The following CNTNAP5 variants were observed in gnomAD, a reference collection of about 807,000 sequenced individuals.
CNTNAP5 encodes contactin associated protein family member 5.
Under a neutral mutation model 150.2 loss-of-function variants are expected in CNTNAP5, and 72 were observed. The observed-to-expected ratio is 0.48, with a 90% CI of 0.40 to 0.58. The LOEUF is 0.58. Among genes scored for constraint, CNTNAP5 ranks in the 20% least tolerant of loss-of-function variants. The pLI is 0.00. For synonymous variants in CNTNAP5, 672 were observed against 619.8 expected (o/e 1.08, Z -1.25); for missense variants, 1,636 against 1,626.2 (o/e 1.01, Z -0.10).
intron 14 of CNTNAP5, among the ~76,000 whole-genome samples, chr2:124,752,161 C>T (rs984046179): frequency 3.3e-5 from 5 of 152,112 alleles, no homozygotes; most frequent in Non-Finnish European, 7.4e-5. Flanking sequence ...TTTGCTAAGC[C>T]AGGGTGCTTA....
intron 13 of CNTNAP5, among the ~76,000 whole-genome samples, chr2:124,739,527 GC>G (rs1381496418): frequency 2.6e-5 from 4 of 152,048 alleles, no homozygotes; most frequent in Non-Finnish European, 5.9e-5. Context: ...TAATCTCTTG[GC>G]CTTATAACTT....
chr2:124,891,146 T>C (rs1489112294), intron 21 of CNTNAP5, among the ~76,000 whole-genome samples: 3 of 152,116 alleles, frequency 2.0e-5, no homozygotes, highest in African/African-American at 7.2e-5. Flanking sequence ...ACTTGTGACA[T>C]TGACTAAGTC....
intron 3 of CNTNAP5, among the ~76,000 whole-genome samples, chr2:124,403,285 T>G (rs1468159205): frequency 6.6e-6 from 1 of 152,172 alleles, no homozygotes; most frequent in Non-Finnish European, 1.5e-5. Context: ...CCGCCTTTCT[T>G]TTTTTTCTCT....
rs138846839 is a variant in CNTNAP5, at chr2:124,309,141, G to A, written c.381+66748G>A. Among the ~76,000 whole-genome samples the A allele has an allele frequency of 3.0e-3, 451 of 152,200 alleles. 1 individual carries two copies. The highest frequency in any genetic ancestry group is 9.5e-3 in the African/African-American group (396 of 41,526). On this transcript the variant is annotated intron_variant, in intron 3 of 23. Coordinates refer to ENST00000682447, the MANE Select transcript of CNTNAP5 (RefSeq NM_001367498.1). ...ATAATAACTAATAATAAAATAGGAC[G>A]GTTATGACAATATACTGTAATAAAA... is the stretch of plus-strand genomic sequence containing the variant.
intron 6 of CNTNAP5, 88 bp downstream of exon 6, chr2:124,447,025 G>A: frequency 7.6e-7 from 1 of 1,311,548 alleles, no homozygotes. Context: ...ACTGAGAGAA[G>A]TGGTGGGGCA....
chr2:124,218,868 C>T (rs1686230468), intron 1 of CNTNAP5, among the ~76,000 whole-genome samples: 1 of 152,118 alleles, frequency 6.6e-6, no homozygotes, highest in Non-Finnish European at 1.5e-5. Context: ...ATTTCCTCAT[C>T]AGTTTATTTA....
At chr2:124,527,900 A>G (rs1695012836) in intron 10 of CNTNAP5, among the ~76,000 whole-genome samples, 1 of 152,196 alleles carries the variant, frequency 6.6e-6, no homozygotes, top group East Asian at 1.9e-4. Flanking sequence ...ATAACACACA[A>G]CTACTCCTGG....
At chr2:124,841,048 T>G (rs1161896355) in intron 19 of CNTNAP5, among the ~76,000 whole-genome samples, 1 of 152,128 alleles carries the variant, frequency 6.6e-6, no homozygotes, top group Non-Finnish European at 1.5e-5. Context: ...GAGTTGGTTA[T>G]TAAATGCAGT....
At chr2:124,203,381 C>A (rs1685776124) in intron 1 of CNTNAP5, among the ~76,000 whole-genome samples, 1 of 152,132 alleles carries the variant, frequency 6.6e-6, no homozygotes, top group Non-Finnish European at 1.5e-5. Flanking sequence ...TGTGACTTTT[C>A]TGGGCTCATG....
At chr2:124,821,482 T>C (rs1214726910) in intron 19 of CNTNAP5, among the ~76,000 whole-genome samples, 1 of 152,238 alleles carries the variant, frequency 6.6e-6, no homozygotes, top group East Asian at 1.9e-4. Context: ...AAAAAAGTTT[T>C]CTTTTTAAGC....
chr2:124,371,729 G>A lies in CNTNAP5; in HGVS notation c.382-45714G>A, dbSNP rs551580784. On this transcript the variant is annotated intron_variant, in intron 3 of 23. Coordinates refer to ENST00000682447, the MANE Select transcript of CNTNAP5 (RefSeq NM_001367498.1). The stretch of plus-strand genomic sequence containing the variant: ...TGGAAAGATACAGGAAATCATACAT[G>A]TAATCTTAACATACTATACATAAAT... Among the ~76,000 whole-genome samples, 432 of 152,164 alleles carry A rather than the reference G, an allele frequency of 2.8e-3. 4 individuals carry two copies. In the East Asian group the frequency reaches 0.034, roughly 12 times the overall value.
chr2:124,744,099 C>T (rs1020296312), intron 13 of CNTNAP5, among the ~76,000 whole-genome samples: 2 of 152,114 alleles, frequency 1.3e-5, no homozygotes. Context: ...TTGGCTGTGT[C>T]CCCACCCAAA....
chr2:124,597,490 T>C (rs1696855616), intron 11 of CNTNAP5, among the ~76,000 whole-genome samples: 2 of 150,596 alleles, frequency 1.3e-5, no homozygotes, highest in Non-Finnish European at 3.0e-5. Context: ...TTCTGGCTTG[T>C]AGGGTTTCTG....
At chr2:124,517,861 TG>T (rs1287190041) in intron 8 of CNTNAP5, among the ~76,000 whole-genome samples, 2 of 151,300 alleles carry the variant, frequency 1.3e-5, no homozygotes, top group African/African-American at 4.9e-5. Flanking sequence ...ATGGTGTTGA[TG>T]ATGGAGGGTT....
At chr2:124,316,804 C>CAAAAAAAAAAAA (rs56812690) in intron 3 of CNTNAP5, among the ~76,000 whole-genome samples, 5 of 54,784 alleles carry the variant, frequency 9.1e-5, no homozygotes, top group Admixed American at 2.8e-4. Context: ...GACTCCATCT[C>CAAAAAAAAAAAA]AAAAAAAAAA....
intron 17 of CNTNAP5, among the ~76,000 whole-genome samples, chr2:124,786,933 T>C (rs1681611623): frequency 6.6e-6 from 1 of 152,224 alleles, no homozygotes; most frequent in Non-Finnish European, 1.5e-5. Context: ...TTTAGTTCAC[T>C]GTGCAATTGA....
At chr2:124,811,334 G>A (rs370296273) in intron 19 of CNTNAP5, among the ~76,000 whole-genome samples, 4 of 152,120 alleles carry the variant, frequency 2.6e-5, no homozygotes, top group African/African-American at 9.7e-5. Context: ...AGAGGGTGGG[G>A]CAACAGCTGC....
intron 13 of CNTNAP5, among the ~76,000 whole-genome samples, chr2:124,737,426 G>T: frequency 6.6e-6 from 1 of 152,256 alleles, no homozygotes; most frequent in South Asian, 2.1e-4. Context: ...GGGAGGACGG[G>T]TTCAGGCAGA....
chr2:124,145,816 A>AAAAAAAAAAAAAAAAAAAAAAAAAAAT, intron 1 of CNTNAP5, among the ~76,000 whole-genome samples: 1 of 9,328 alleles, frequency 1.1e-4, no homozygotes, highest in Non-Finnish European at 2.5e-4. Flanking sequence ...AAACATTAAA[A>AAAAAAAAAAAAAAAAAAAAAAAAAAAT]AAAAAAAAAA....
Sources: allele counts gnomAD v4.1 joint callset (sites outside exome capture counted in the v4.1 genomes callset), GRCh38; gene constraint gnomAD v4.1.1; transcripts MANE v1.5; gene names NCBI Gene and HGNC (gene_info 2026-07-23, HGNC 2026-07-21).